Variants in GNS observed in about 807,000 individuals in gnomAD.
The protein encoded by GNS is N-acetylglucosamine-6-sulfatase.
Under a neutral mutation model 69.7 loss-of-function variants are expected in GNS, and 40 were observed. That is an observed-to-expected ratio of 0.57 (90% CI 0.45 to 0.75). GNS has a LOEUF of 0.75. GNS is among the 30% of genes least tolerant of loss of function. The pLI, the probability that GNS is intolerant of heterozygous loss-of-function variation, is 0.00. For synonymous variants in GNS, 243 were observed against 251.6 expected (o/e 0.97, Z 0.32); for missense variants, 565 against 685.5 (o/e 0.82, Z 1.96).
intron 2 of GNS, among the ~76,000 whole-genome samples, chr12:64,751,318 T>G (rs1870070224): frequency 1.3e-5 from 2 of 152,352 alleles, no homozygotes; most frequent in South Asian, 4.1e-4. Flanking sequence ...TGAATTCTAG[T>G]GATTTTAAAG....
At chr12:64,732,759 C>G (rs1869444511) in intron 9 of GNS, among the ~76,000 whole-genome samples, 1 of 151,760 alleles carries the variant, frequency 6.6e-6, no homozygotes, top group African/African-American at 2.4e-5. Context: ...CCGCGCCTGG[C>G]CTAATTTTTG....
intron 6 of GNS, among the ~76,000 whole-genome samples, chr12:64,741,584 T>C (rs1216995299): frequency 2.0e-5 from 3 of 151,768 alleles, no homozygotes; most frequent in Non-Finnish European, 4.4e-5. Flanking sequence ...CCATACCTGG[T>C]CTACCTTCCT....
intron 9 of GNS, among the ~76,000 whole-genome samples, chr12:64,732,260 C>T (rs147268016): frequency 0.041 from 6,105 of 148,686 alleles, 424 homozygotes; most frequent in African/African-American, 0.14. Flanking sequence ...CTCTGCCTCC[C>T]GGTTTGATGC....
intron 2 of GNS, among the ~76,000 whole-genome samples, chr12:64,751,660 T>G (rs147373538): frequency 7.2e-5 from 11 of 152,220 alleles, no homozygotes; most frequent in African/African-American, 2.4e-4. Context: ...GGTAGACATA[T>G]AATAACCAAC....
chr12:64,737,201 C>T (rs1869580912), intron 8 of GNS, 94 bp from the exon 9 acceptor site: 2 of 768,370 alleles, frequency 2.6e-6, no homozygotes, highest in Non-Finnish European at 2.3e-6. Context: ...AAAACTAAAA[C>T]AACTTTGTTC....
rs11175536 is a variant in GNS, at chr12:64,748,191, G to A, written c.253-273C>T. Among the ~76,000 whole-genome samples the A allele has an allele frequency of 0.094, 14,280 of 151,376 alleles. 1,943 individuals are homozygous for A. The highest frequency in any genetic ancestry group is 0.3 in the African/African-American group (12,388 of 40,930). ...AACAGTAATTCTAGTCTCATCTGCCGCAGAGATAGTTGTTTTTTTTTTTCT... is the reference window on the plus strand; with the variant it reads ...AACAGTAATTCTAGTCTCATCTGCCACAGAGATAGTTGTTTTTTTTTTTCT... On this transcript the variant is annotated intron_variant, in intron 2 of 13. Transcript: ENST00000258145.
chr12:64,751,909 T>C (rs1279646069), intron 2 of GNS, among the ~76,000 whole-genome samples: 2 of 127,800 alleles, frequency 1.6e-5, no homozygotes, highest in Admixed American at 9.7e-5. Context: ...AACTGCTTGA[T>C]CCCCAGAGGC....
rs766104697 is a variant in GNS at position 64,716,737 on chromosome 12, G to GT, written c.*3dup. 84 of 1,583,820 alleles carry GT rather than the reference G, an allele frequency of 5.3e-5. No individual in the cohort carries two copies. The highest frequency in any genetic ancestry group is 1.0e-4 in the Admixed American group (6 of 59,938). ...GATCCATCTGCAGAGGCTGTGTGAG[G>GT]TCGCTACAGAAGATGTTTGGAAAAT... On this transcript the variant is annotated 3_prime_UTR_variant, in exon 14 of 14. Transcript: ENST00000258145.
At chr12:64,733,475 T>C (rs1283207788) in intron 9 of GNS, among the ~76,000 whole-genome samples, 2 of 152,094 alleles carry the variant, frequency 1.3e-5, no homozygotes, top group African/African-American at 2.4e-5. Context: ...AACCCTGATG[T>C]TGAATTTCTG....
chr12:64,752,171 G>GT (rs991226633), intron 2 of GNS, among the ~76,000 whole-genome samples: 2 of 152,192 alleles, frequency 1.3e-5, no homozygotes, highest in Admixed American at 1.3e-4. Flanking sequence ...AGGCAGTCTG[G>GT]CTCCAGAGTC....
At chr12:64,721,798 GGACATGCA>G in intron 11 of GNS, 93 bp from the exon 12 acceptor site, 1 of 770,160 alleles carries the variant, frequency 1.3e-6, no homozygotes, top group Non-Finnish European at 2.4e-6. Flanking sequence ...GGCTCATGCC[GGACATGCA>G]ATTTGACAGC....
chr12:64,724,868 A>G (rs1265365620), intron 10 of GNS, among the ~76,000 whole-genome samples: 1 of 152,134 alleles, frequency 6.6e-6, no homozygotes, highest in Non-Finnish European at 1.5e-5. Context: ...CTCGGAAAAA[A>G]CAAACAAACA....
chr12:64,734,072 T>C (rs17100619), intron 9 of GNS, among the ~76,000 whole-genome samples: 6,504 of 152,286 alleles, frequency 0.043, 487 homozygotes, highest in African/African-American at 0.15. Context: ...GAGACAACTA[T>C]GCTGCCAACA....
chr12:64,731,611 G>A (rs575802775), intron 9 of GNS, among the ~76,000 whole-genome samples: 1 of 152,320 alleles, frequency 6.6e-6, no homozygotes, highest in Non-Finnish European at 1.5e-5. Context: ...TATATCAGGA[G>A]ATGGGAGACT....
At chr12:64,758,825 T>C (rs971234873) in intron 1 of GNS, among the ~76,000 whole-genome samples, 1 of 152,202 alleles carries the variant, frequency 6.6e-6, no homozygotes, top group African/African-American at 2.4e-5. Flanking sequence ...ATGTTTATCT[T>C]GAGATATTAA....
chr12:64,733,582 A>G (rs947217402), intron 9 of GNS, among the ~76,000 whole-genome samples: 12 of 152,318 alleles, frequency 7.9e-5, no homozygotes, highest in Admixed American at 3.9e-4. Context: ...GCAGAATCCC[A>G]TATCTTGGTT....
rs1490340382 is a variant in GNS, at chr12:64,714,715, C to T, written c.*2026G>A. The T allele has an allele frequency of 6.6e-6, 1 of 152,140 alleles. No homozygotes were observed. The highest frequency in any genetic ancestry group is 2.4e-5 in the African/African-American group (1 of 41,420). The allele number at this position is 152,140 out of a possible 1,614,324, so 9.4% of individuals were successfully genotyped here. ...CATAAAACTGAATAATATGACATCACAGTCCAAGACCTGGTAAGAGTTGGT... is the reference window on the plus strand; with the variant it reads ...CATAAAACTGAATAATATGACATCATAGTCCAAGACCTGGTAAGAGTTGGT... On this transcript the variant is annotated 3_prime_UTR_variant, in exon 14 of 14. Coordinates refer to ENST00000258145, the MANE Select transcript of GNS (RefSeq NM_002076.4).
At chr12:64,729,139 C>G (rs541797683) in intron 9 of GNS, 82 bp from the exon 10 acceptor site, 13 of 780,748 alleles carry the variant, frequency 1.7e-5, no homozygotes, top group South Asian at 8.4e-5. Context: ...CTCTTCCCCC[C>G]ACCCCGCCCA....
At chr12:64,722,168 C>T (rs1337539025) in intron 11 of GNS, among the ~76,000 whole-genome samples, 2 of 152,042 alleles carry the variant, frequency 1.3e-5, no homozygotes, top group Non-Finnish European at 2.9e-5. Context: ...CAGGCATGCA[C>T]CACCACGCCC....
Sources: gnomAD v4.1 joint callset for allele counts (sites outside exome capture counted in the v4.1 genomes callset) on GRCh38, gnomAD v4.1.1 for gene constraint, MANE v1.5 for transcripts, NCBI Gene and HGNC (gene_info 2026-07-23, HGNC 2026-07-21) for gene names.